Variants in ZNF804A observed in about 807,000 individuals in gnomAD.
ZNF804A encodes the protein zinc finger protein 804A.
Under a neutral mutation model 16.5 loss-of-function variants are expected in ZNF804A, and 2 were observed. The observed-to-expected ratio is 0.12, with a 90% CI of 0.05 to 0.38. The LOEUF is 0.38. Among genes scored for constraint, ZNF804A ranks in the 10% least tolerant of loss-of-function variants. ZNF804A has a pLI of 0.99. For missense variants in ZNF804A, 1,473 were observed against 1,390.7 expected, an observed-to-expected ratio of 1.06 and a Z score of -0.94; for synonymous variants, 534 against 489.6, an observed-to-expected ratio of 1.09 and a Z score of -1.20.
At chr2:184,736,739 C>G (rs1339722530) in intron 1 of ZNF804A, among the ~76,000 whole-genome samples, 2 of 152,066 alleles carry the variant, frequency 1.3e-5, no homozygotes, top group Middle Eastern at 3.4e-3. Context: ...AATATGTGTT[C>G]TAGTTTATTT....
chr2:184,699,173 C>T (rs1211032182), intron 1 of ZNF804A, among the ~76,000 whole-genome samples: 1 of 151,966 alleles, frequency 6.6e-6, no homozygotes, highest in East Asian at 1.9e-4. Flanking sequence ...TTATAATTGG[C>T]AATGATGGCA....
chr2:184,680,828 C>T (rs757425141), intron 1 of ZNF804A, among the ~76,000 whole-genome samples: 2 of 152,250 alleles, frequency 1.3e-5, no homozygotes, highest in Non-Finnish European at 2.9e-5. Context: ...TGTGGTTCTT[C>T]AGGGAGCTTA....
chr2:184,609,314 T>A (rs1271655505), intron 1 of ZNF804A, among the ~76,000 whole-genome samples: 1 of 152,328 alleles, frequency 6.6e-6, no homozygotes, highest in East Asian at 1.9e-4. Flanking sequence ...TGACTACTGC[T>A]GTGACACTGA....
intron 1 of ZNF804A, among the ~76,000 whole-genome samples, chr2:184,686,129 A>G (rs888795078): frequency 6.6e-6 from 1 of 152,214 alleles, no homozygotes; most frequent in African/African-American, 2.4e-5. Context: ...CAACAGGAAC[A>G]GGCACTTCTG....
chr2:184,831,502 G>T (rs1225327090), intron 1 of ZNF804A, among the ~76,000 whole-genome samples: 1 of 151,966 alleles, frequency 6.6e-6, no homozygotes, highest in African/African-American at 2.4e-5. Flanking sequence ...AGTGATTTCA[G>T]TTTTTTTGTT....
At chr2:184,719,757 T>C (rs1411203979) in intron 1 of ZNF804A, among the ~76,000 whole-genome samples, 2 of 152,138 alleles carry the variant, frequency 1.3e-5, no homozygotes, top group African/African-American at 4.8e-5. Context: ...ATGGTTCATA[T>C]CATTATCAGC....
intron 1 of ZNF804A, among the ~76,000 whole-genome samples, chr2:184,718,906 G>A (rs1383642742): frequency 6.6e-6 from 1 of 152,132 alleles, no homozygotes; most frequent in Non-Finnish European, 1.5e-5. Context: ...CAAGCAGGCG[G>A]TGCCCCAGTG....
At chr2:184,731,106 G>A (rs1693507221) in intron 1 of ZNF804A, among the ~76,000 whole-genome samples, 1 of 151,094 alleles carries the variant, frequency 6.6e-6, no homozygotes, top group African/African-American at 2.4e-5. Context: ...CACAAATTCG[G>A]CAGGTGTGGT....
chr2:184,680,233 G>A (rs770312796), intron 1 of ZNF804A, among the ~76,000 whole-genome samples: 18 of 151,700 alleles, frequency 1.2e-4, no homozygotes, highest in African/African-American at 3.1e-4. Flanking sequence ...ACCTACCTGC[G>A]GAGAAGAGCT....
intron 1 of ZNF804A, among the ~76,000 whole-genome samples, chr2:184,664,991 T>G (rs1185116769): frequency 6.6e-6 from 1 of 152,198 alleles, no homozygotes; most frequent in Non-Finnish European, 1.5e-5. Flanking sequence ...ATGATAATTT[T>G]TTAAGAAGCA....
chr2:184,875,967 C>T (rs1346825532), intron 2 of ZNF804A, among the ~76,000 whole-genome samples: 2 of 152,090 alleles, frequency 1.3e-5, no homozygotes, highest in African/African-American at 4.8e-5. Flanking sequence ...GAATGATTGT[C>T]TTATTGCTGC....
chr2:184,817,789 A>T (rs1414283234), intron 1 of ZNF804A, among the ~76,000 whole-genome samples: 1 of 152,086 alleles, frequency 6.6e-6, no homozygotes, highest in Non-Finnish European at 1.5e-5. Context: ...GAATACACTG[A>T]ACAGAGGTAA....
intron 1 of ZNF804A, among the ~76,000 whole-genome samples, chr2:184,770,176 A>G (rs963846761): frequency 6.6e-6 from 1 of 152,024 alleles, no homozygotes; most frequent in African/African-American, 2.4e-5. Context: ...CTTTCTTACT[A>G]AAAAATATGT....
chr2:184,921,606 C>T, intron 2 of ZNF804A, among the ~76,000 whole-genome samples: 1 of 152,116 alleles, frequency 6.6e-6, no homozygotes, highest in East Asian at 1.9e-4. Context: ...TATCCCTCAC[C>T]TTAAGCATTT....
chr2:184,637,935 C>A (rs1691726756), intron 1 of ZNF804A, among the ~76,000 whole-genome samples: 2 of 152,254 alleles, frequency 1.3e-5, no homozygotes, highest in East Asian at 3.9e-4. Flanking sequence ...CCCTGGGAAA[C>A]TGGAGAATGG....
At chr2:184,711,512 G>A (rs1693125510) in intron 1 of ZNF804A, among the ~76,000 whole-genome samples, 3 of 151,538 alleles carry the variant, frequency 2.0e-5, no homozygotes, top group Admixed American at 2.0e-4. Flanking sequence ...TAAGTTAGAT[G>A]GAGTACTACT....
At chr2:184,889,145 A>G (rs937579419) in intron 2 of ZNF804A, among the ~76,000 whole-genome samples, 2 of 151,330 alleles carry the variant, frequency 1.3e-5, no homozygotes, top group Admixed American at 6.6e-5. Flanking sequence ...ATTTCTCTTC[A>G]TGTATTTTTT....
intron 2 of ZNF804A, among the ~76,000 whole-genome samples, chr2:184,879,092 C>T (rs1021087885): frequency 1.5e-4 from 23 of 151,802 alleles, no homozygotes; most frequent in African/African-American, 5.6e-4. Flanking sequence ...CAAAATGATG[C>T]CTCACGGAGT....
intron 1 of ZNF804A, among the ~76,000 whole-genome samples, chr2:184,805,152 A>G (rs1244606208): frequency 1.3e-5 from 2 of 152,202 alleles, no homozygotes; most frequent in South Asian, 2.1e-4. Flanking sequence ...TCCTTGAATT[A>G]CAATTTTCCT....
Sources: gnomAD v4.1 joint callset for allele counts (sites outside exome capture counted in the v4.1 genomes callset) on GRCh38, gnomAD v4.1.1 for gene constraint, MANE v1.5 for transcripts, NCBI Gene and HGNC (gene_info 2026-07-23, HGNC 2026-07-21) for gene names.